Variants in NFKB1 observed in about 807,000 individuals in gnomAD.
NFKB1 encodes nuclear factor kappa B subunit 1.
In NFKB1, 9 loss-of-function variants were observed where a neutral mutation model predicts 105.1. The ratio of observed to expected loss-of-function variants is 0.09; its 90% CI spans 0.05 to 0.15. NFKB1 has a LOEUF of 0.15. Ranked by LOEUF, NFKB1 falls within the 10% of genes least tolerant of loss-of-function variation. The pLI, the probability that NFKB1 is intolerant of heterozygous loss-of-function variation, is 1.00. For missense variants in NFKB1, 830 were observed against 1,203.7 expected, an observed-to-expected ratio of 0.69 and a Z score of 4.59; for synonymous variants, 440 against 442.2, an observed-to-expected ratio of 1.00 and a Z score of 0.06.
At chr4:102,591,486 A>G (rs1726172620) in intron 11 of NFKB1, among the ~76,000 whole-genome samples, 1 of 151,762 alleles carries the variant, frequency 6.6e-6, no homozygotes, top group South Asian at 2.1e-4. Context: ...TTTAAATTGA[A>G]GCCAGTGCTC....
chr4:102,540,723 T>C (rs1250989249), intron 5 of NFKB1, among the ~76,000 whole-genome samples: 1 of 152,086 alleles, frequency 6.6e-6, no homozygotes. Flanking sequence ...ATTTTATTTA[T>C]CCAAGAAATT....
At chr4:102,591,992 G>A (rs140804492) in intron 11 of NFKB1, among the ~76,000 whole-genome samples, 55 of 152,296 alleles carry the variant, frequency 3.6e-4, no homozygotes, top group African/African-American at 1.3e-3. Context: ...TCCAGCCCTC[G>A]TGGGTGACAT....
chr4:102,559,933 G>A (rs1236640500), intron 5 of NFKB1, among the ~76,000 whole-genome samples: 3 of 145,970 alleles, frequency 2.1e-5, no homozygotes, highest in African/African-American at 7.7e-5. Context: ...GCAAGACCCT[G>A]TCCCTTTAAA....
At chr4:102,503,567 G>A (rs917450714) in intron 1 of NFKB1, 1 of 151,978 alleles carries the variant, frequency 6.6e-6, no homozygotes, top group South Asian at 2.1e-4. Context: ...TCTTATGTTA[G>A]GCATTGGCAC....
chr4:102,532,011 A>G (rs1290697035), intron 3 of NFKB1, among the ~76,000 whole-genome samples: 1 of 152,160 alleles, frequency 6.6e-6, no homozygotes, highest in Non-Finnish European at 1.5e-5. Flanking sequence ...TTAGTGTGAA[A>G]ATATTTCTAT....
intron 23 of NFKB1, among the ~76,000 whole-genome samples, chr4:102,615,205 C>CTG (rs1728834984): frequency 6.6e-6 from 1 of 152,242 alleles, no homozygotes; most frequent in Admixed American, 6.5e-5. Context: ...CCAGCATACA[C>CTG]TGTGTGCCTA....
intron 1 of NFKB1, among the ~76,000 whole-genome samples, chr4:102,523,890 T>A (rs989013976): frequency 6.6e-6 from 1 of 152,162 alleles, no homozygotes; most frequent in Non-Finnish European, 1.5e-5. Flanking sequence ...TCCAACGAAG[T>A]GTAGGGTATA....
intron 11 of NFKB1, 25 bp from the exon 12 acceptor site, chr4:102,593,400 C>T (rs754528410): frequency 1.9e-6 from 3 of 1,597,906 alleles, no homozygotes; most frequent in Admixed American, 3.4e-5. Context: ...CTTTTCTCCT[C>T]TGGTTTCTCT....
chr4:102,598,411 C>G (rs545973642), intron 15 of NFKB1, among the ~76,000 whole-genome samples: 47 of 152,328 alleles, frequency 3.1e-4, no homozygotes, highest in Non-Finnish European at 6.0e-4. Flanking sequence ...AAAATAGCAT[C>G]AACATAGAGA....
chr4:102,557,187 A>G (rs1436448514), intron 5 of NFKB1: 7 of 152,222 alleles, frequency 4.6e-5, no homozygotes, highest in African/African-American at 1.2e-4. Context: ...GAGAATCTCA[A>G]CTGCAGATAT....
chr4:102,504,309 A>G (rs1161202612), intron 1 of NFKB1, among the ~76,000 whole-genome samples: 1 of 152,214 alleles, frequency 6.6e-6, no homozygotes, highest in Non-Finnish European at 1.5e-5. Flanking sequence ...TTGTATAACC[A>G]ATAGAGTAAA....
intron 5 of NFKB1, among the ~76,000 whole-genome samples, chr4:102,563,165 G>A (rs1311122061): frequency 6.6e-6 from 1 of 152,154 alleles, no homozygotes; most frequent in Non-Finnish European, 1.5e-5. Context: ...TATGATCTGA[G>A]ACCCATGGTT....
At chr4:102,564,245 C>T (rs1723672761) in intron 5 of NFKB1, among the ~76,000 whole-genome samples, 1 of 152,118 alleles carries the variant, frequency 6.6e-6, no homozygotes, top group Non-Finnish European at 1.5e-5. Context: ...AAAAGGGAGA[C>T]TGAATAAAAA....
chr4:102,556,961 A>C (rs1471054348), intron 5 of NFKB1: 1 of 152,210 alleles, frequency 6.6e-6, no homozygotes, highest in Non-Finnish European at 1.5e-5. Context: ...AATCCTTTGG[A>C]AGAGAGAAAG....
At chr4:102,589,002 G>A (rs1725951464) in intron 11 of NFKB1, among the ~76,000 whole-genome samples, 1 of 152,142 alleles carries the variant, frequency 6.6e-6, no homozygotes, top group South Asian at 2.1e-4. Context: ...AATATGGAGT[G>A]TGAAAGTCTC....
Position 102,597,518 on chromosome 4 carries a change from A to C in NFKB1, c.1496-2A>C, listed in dbSNP as rs756228888. ...ACTATGATTGTGGTCATTGCCTTAC[A>C]GATAACCTCTTTCTAGAGAAGGCTA... is the stretch of plus-strand genomic sequence containing the variant. On this transcript the variant is annotated splice_acceptor_variant, in intron 14 of 23. Transcript: ENST00000226574. LOFTEE classifies it high-confidence loss of function. The C allele has an allele frequency of 6.2e-7, 1 of 1,609,414 alleles. No individual in the cohort carries two copies. The highest frequency in any genetic ancestry group is 8.5e-7 in the Non-Finnish European group (1 of 1,177,050).
chr4:102,565,768 A>G (rs1265640350), intron 5 of NFKB1, among the ~76,000 whole-genome samples: 1 of 151,202 alleles, frequency 6.6e-6, no homozygotes, highest in African/African-American at 2.4e-5. Context: ...CTTTCTTTCA[A>G]GCTGTGGGCT....
At chr4:102,616,024 C>T (rs1246303096) in intron 23 of NFKB1, among the ~76,000 whole-genome samples, 1 of 152,204 alleles carries the variant, frequency 6.6e-6, no homozygotes, top group East Asian at 1.9e-4. Context: ...AGAGAGATCT[C>T]ATTTTTAGTT....
At chr4:102,588,375 C>T (rs1300780446) in intron 11 of NFKB1, among the ~76,000 whole-genome samples, 1 of 149,992 alleles carries the variant, frequency 6.7e-6, no homozygotes, top group Non-Finnish European at 1.5e-5. Context: ...CCAGGGGAGA[C>T]GATCGAAATA....
Sources: gnomAD v4.1 joint callset for allele counts (sites outside exome capture counted in the v4.1 genomes callset) on GRCh38, gnomAD v4.1.1 for gene constraint, MANE v1.5 for transcripts, NCBI Gene and HGNC (gene_info 2026-07-23, HGNC 2026-07-21) for gene names.